AFAP1: variants seen among roughly 807,000 people sequenced by gnomAD.
AFAP1 encodes actin filament associated protein 1.
Under a neutral mutation model 93.9 loss-of-function variants are expected in AFAP1, and 75 were observed. The ratio of observed to expected loss-of-function variants is 0.80; its 90% CI spans 0.66 to 0.97. The LOEUF is 0.97. Among genes scored for constraint, AFAP1 ranks in the 50% least tolerant of loss-of-function variants. AFAP1 has a pLI of 0.00. For synonymous variants in AFAP1, 517 were observed against 430.7 expected (o/e 1.20, Z -2.48); for missense variants, 1,201 against 1,050.8 (o/e 1.14, Z -1.98).
chr4:7,933,579 A>T (rs1240881043), intron 1 of AFAP1, among the ~76,000 whole-genome samples: 1 of 152,214 alleles, frequency 6.6e-6, no homozygotes, highest in Non-Finnish European at 1.5e-5. Flanking sequence ...TCTCAAAAAA[A>T]ATATTTAAAA....
chr4:7,792,233 A>G (rs1250584697), intron 11 of AFAP1, among the ~76,000 whole-genome samples: 2 of 152,214 alleles, frequency 1.3e-5, no homozygotes, highest in African/African-American at 4.8e-5. Flanking sequence ...CGGAAAGCAG[A>G]TCAATCGACT....
intron 14 of AFAP1, chr4:7,776,263 CAG>C (rs1178218581): frequency 6.6e-6 from 1 of 152,144 alleles, no homozygotes; most frequent in Admixed American, 6.5e-5. Context: ...ACACTGGACT[CAG>C]AGAGGTGGCT....
At chr4:7,925,404 T>C (rs1331192142) in intron 1 of AFAP1, among the ~76,000 whole-genome samples, 1 of 152,226 alleles carries the variant, frequency 6.6e-6, no homozygotes, top group Admixed American at 6.5e-5. Context: ...GTACTTCATC[T>C]TTCCACTTTA....
rs570442920 is a variant in AFAP1, at chr4:7,843,407, G to A, written c.335-57C>T. On this transcript the variant is annotated intron_variant, in intron 4 of 17. Coordinates refer to ENST00000420658, the MANE Select transcript of AFAP1 (RefSeq NM_001134647.2). ...GACTTCTTTACCTTGAAGTTTACCC[G>A]TGGGCTCAAGAGCACGTCCTCTTAT... 205 of 1,481,162 alleles carry A rather than the reference G, an allele frequency of 1.4e-4. 2 individuals are homozygous for A. Among genetic ancestry groups the A allele is most frequent in the South Asian group, 5.3e-4 (41 of 77,992 alleles). The allele number at this position is 1,481,162 out of a possible 1,614,324, so 91.8% of individuals were successfully genotyped here. A position where few individuals can be genotyped will look rare whatever the true frequency, so the allele number is the denominator to read the frequency against.
At chr4:7,936,814 C>G (rs974615028) in intron 1 of AFAP1, among the ~76,000 whole-genome samples, 4 of 152,128 alleles carry the variant, frequency 2.6e-5, no homozygotes, top group Non-Finnish European at 5.9e-5. Flanking sequence ...ATCTTCTAAC[C>G]TCGTGATCTG....
intron 7 of AFAP1, among the ~76,000 whole-genome samples, chr4:7,816,700 C>T (rs1222596625): frequency 6.6e-6 from 1 of 152,158 alleles, no homozygotes; most frequent in Admixed American, 6.5e-5. Context: ...TACAGCTAGA[C>T]CCCTTCCATT....
At position 7,863,006 on chromosome 4, in the gene AFAP1, G is replaced by A. The variant is rs1715911507; in HGVS notation, c.225+5616C>T. On this transcript the variant is annotated intron_variant, in intron 3 of 17. Transcript: ENST00000420658. ...CACGGCAGCCAGCGTCAGCACAGATGGGATCCATTTCCCAGGACCTGGGGC... is the reference window on the plus strand; with the variant it reads ...CACGGCAGCCAGCGTCAGCACAGATAGGATCCATTTCCCAGGACCTGGGGC... Among the ~76,000 whole-genome samples the A allele has an allele frequency of 3.9e-5, 6 of 152,282 alleles. No homozygotes were observed. In the South Asian group the frequency reaches 1.2e-3, roughly 32 times the overall value.
At chr4:7,873,242 C>CAAAAAAAAAAAAAAAAAAA (rs1195209480) in intron 1 of AFAP1, among the ~76,000 whole-genome samples, 12 of 64,126 alleles carry the variant, frequency 1.9e-4, no homozygotes, top group African/African-American at 3.3e-4. Context: ...GACTCTGTCT[C>CAAAAAAAAAAAAAAAAAAA]AAAAAAAAAA....
chr4:7,870,385 C>T (rs1027851140), intron 2 of AFAP1, among the ~76,000 whole-genome samples: 3 of 152,134 alleles, frequency 2.0e-5, no homozygotes, highest in Non-Finnish European at 4.4e-5. Context: ...TCAGGCCAGG[C>T]GCAATGGTTC....
chr4:7,795,661 G>C (rs1287806926), intron 10 of AFAP1, among the ~76,000 whole-genome samples: 1 of 151,904 alleles, frequency 6.6e-6, no homozygotes, highest in Non-Finnish European at 1.5e-5. Flanking sequence ...TCCTGACCTT[G>C]TGATCTGCCC....
At chr4:7,923,877 G>C (rs1448556784) in intron 1 of AFAP1, among the ~76,000 whole-genome samples, 2 of 152,136 alleles carry the variant, frequency 1.3e-5, no homozygotes, top group African/African-American at 4.8e-5. Flanking sequence ...CATCACACTG[G>C]GGGTGAGGGC....
chr4:7,777,340 C>A (rs547420811), intron 14 of AFAP1: 3 of 152,368 alleles, frequency 2.0e-5, no homozygotes, highest in South Asian at 4.2e-4. Flanking sequence ...CTGGTCAACA[C>A]GTATGTTGGG....
At chr4:7,857,605 C>T (rs1715213433) in intron 3 of AFAP1, among the ~76,000 whole-genome samples, 1 of 152,194 alleles carries the variant, frequency 6.6e-6, no homozygotes, top group African/African-American at 2.4e-5. Context: ...ATACATGGGG[C>T]CCAGCACCAG....
chr4:7,908,305 G>A (rs1420689373), intron 1 of AFAP1, among the ~76,000 whole-genome samples: 1 of 152,170 alleles, frequency 6.6e-6, no homozygotes, highest in African/African-American at 2.4e-5. Context: ...CACACAGGGT[G>A]CCCCTTTATC....
At chr4:7,801,914 CAAAAAAAAAAAAAAA>C (rs531684652) in intron 9 of AFAP1, among the ~76,000 whole-genome samples, 1 of 65,186 alleles carries the variant, frequency 1.5e-5, no homozygotes, top group Admixed American at 2.2e-4. Context: ...GACCCTATCA[CAAAAAAAAAAAAAAA>C]AAAAAAAAAA....
At chr4:7,850,002 G>C (rs979022578) in intron 4 of AFAP1, among the ~76,000 whole-genome samples, 1 of 152,158 alleles carries the variant, frequency 6.6e-6, no homozygotes, top group Non-Finnish European at 1.5e-5. Flanking sequence ...GTAGGTAAAG[G>C]GACGAGGAGA....
At chr4:7,927,207 T>G (rs1441253675) in intron 1 of AFAP1, among the ~76,000 whole-genome samples, 1 of 152,190 alleles carries the variant, frequency 6.6e-6, no homozygotes, top group African/African-American at 2.4e-5. Flanking sequence ...TACACAGCTC[T>G]AGCAGAGCTC....
Position 7,843,193 on chromosome 4 carries a change from C to T in AFAP1, c.492G>A (p.Lys164=), listed in dbSNP as rs763799919. ...GCAACTTGGTCCACTGGCCGAACCG[C>T]TTCTTCCGCAGCAGGAAGGCGCAGA... is the stretch of plus-strand genomic sequence containing the variant. ...AKICAFLLRK[K]RFGQWTKLLC... is the part of the protein sequence containing the mutation. Residue 164 remains lysine, a synonymous_variant, in exon 5 of 18, where the codon AAG becomes AAA. Transcript: ENST00000420658. 1.9e-6 allele frequency: 3 copies of T among 1,614,110 alleles called. No individual in the cohort carries two copies. Among genetic ancestry groups the T allele is most frequent in the Non-Finnish European group, 2.5e-6 (3 of 1,180,048 alleles).
At chr4:7,879,491 A>T (rs1395559502) in intron 1 of AFAP1, among the ~76,000 whole-genome samples, 1 of 152,198 alleles carries the variant, frequency 6.6e-6, no homozygotes, top group African/African-American at 2.4e-5. Context: ...TCAAGGACAC[A>T]GGAATAAATC....
Sources: gnomAD v4.1 joint callset for allele counts (sites outside exome capture counted in the v4.1 genomes callset) on GRCh38, gnomAD v4.1.1 for gene constraint, MANE v1.5 for transcripts, NCBI Gene and HGNC (gene_info 2026-07-23, HGNC 2026-07-21) for gene names.